Variants in CNN3 observed in about 807,000 individuals in gnomAD.
CNN3 encodes calponin 3.
A neutral mutation model predicts 39.0 loss-of-function variants in CNN3; 11 were observed. The ratio of observed to expected loss-of-function variants is 0.28; its 90% CI spans 0.18 to 0.47. CNN3 has a LOEUF of 0.47. Among genes scored for constraint, CNN3 ranks in the 20% least tolerant of loss-of-function variants. CNN3 has a pLI of 0.99. For synonymous variants in CNN3, 101 were observed against 138.3 expected (o/e 0.73, Z 1.89); for missense variants, 266 against 403.4 (o/e 0.66, Z 2.92).
At chr1:94,901,160 C>T (rs536883035) in intron 5 of CNN3, among the ~76,000 whole-genome samples, 1 of 152,010 alleles carries the variant, frequency 6.6e-6, no homozygotes. Flanking sequence ...TCAAGACCAG[C>T]CTGGCCAACA....
rs745910891 is a variant in CNN3 at position 94,924,547 on chromosome 1, TGGGAG to T, written c.57+2286_57+2290del. The T allele has an allele frequency of 3.3e-5, 5 of 152,362 alleles. 1 individual carries two copies. The allele number at this position is 152,362 out of a possible 1,614,324, so 9.4% of individuals were successfully genotyped here. A position where few individuals can be genotyped will look rare whatever the true frequency, so the allele number is the denominator to read the frequency against. On this transcript the variant is annotated intron_variant, in intron 1 of 6. Coordinates refer to ENST00000370206, the MANE Select transcript of CNN3 (RefSeq NM_001839.5). The stretch of plus-strand genomic sequence containing the variant: ...CTGAGGCAGGAGAATCACTTGAACC[TGGGAG>T]GCGAAGGTTGCAGTGAGCTGAGATC...
chr1:94,901,045 T>A (rs1045040585), intron 5 of CNN3, among the ~76,000 whole-genome samples: 1 of 152,002 alleles, frequency 6.6e-6, no homozygotes, highest in African/African-American at 2.4e-5. Context: ...CAAAGTGAGA[T>A]CCCATCTATA....
chr1:94,898,485 C>T (rs1435478151), intron 6 of CNN3, among the ~76,000 whole-genome samples: 1 of 152,182 alleles, frequency 6.6e-6, no homozygotes, highest in Non-Finnish European at 1.5e-5. Flanking sequence ...ATGGGGACCA[C>T]ATACATTATC....
chr1:94,915,139 T>G (rs1671250740), intron 1 of CNN3, among the ~76,000 whole-genome samples: 1 of 152,218 alleles, frequency 6.6e-6, no homozygotes, highest in Admixed American at 6.5e-5. Context: ...CTGTGCCTTA[T>G]GAAATACCAT....
chr1:94,903,878 C>T (rs1413587065), intron 1 of CNN3, among the ~76,000 whole-genome samples: 1 of 152,076 alleles, frequency 6.6e-6, no homozygotes, highest in Admixed American at 6.5e-5. Context: ...CATTAATCAC[C>T]CTATTCCAAA....
chr1:94,907,122 C>A (rs1024210241), intron 1 of CNN3, among the ~76,000 whole-genome samples: 3 of 152,092 alleles, frequency 2.0e-5, no homozygotes, highest in Admixed American at 1.3e-4. Flanking sequence ...TTGAGACTTA[C>A]CATATGACCA....
intron 1 of CNN3, among the ~76,000 whole-genome samples, chr1:94,907,775 G>A (rs890903514): frequency 7.2e-5 from 11 of 152,214 alleles, no homozygotes; most frequent in Non-Finnish European, 1.0e-4. Flanking sequence ...CAGGAGAATG[G>A]TGTGAACCCG....
intron 1 of CNN3, among the ~76,000 whole-genome samples, chr1:94,918,041 T>C (rs859042): frequency 0.29 from 43,851 of 152,092 alleles, 6,640 homozygotes; most frequent in Middle Eastern, 0.32. Flanking sequence ...TACACAGTCT[T>C]AGCACAGGCA....
At chr1:94,921,364 C>T (rs1671438514) in intron 1 of CNN3, among the ~76,000 whole-genome samples, 1 of 152,128 alleles carries the variant, frequency 6.6e-6, no homozygotes, top group Non-Finnish European at 1.5e-5. Flanking sequence ...GACCTCACTC[C>T]AGCCTGGGCA....
At chr1:94,907,744 C>T (rs1022119107) in intron 1 of CNN3, among the ~76,000 whole-genome samples, 1 of 152,132 alleles carries the variant, frequency 6.6e-6, no homozygotes, top group Non-Finnish European at 1.5e-5. Context: ...CCTGTAGTCC[C>T]AGCTACTTGG....
rs1671587083 is a variant in CNN3, at chr1:94,926,519, T to G, written c.57+319A>C. ...CGCCCCCTTCCCGGAGGGCGCGTTC[T>G]GCAGTCACCAAACGGCCCCCGAGAC... On this transcript the variant is annotated intron_variant, in intron 1 of 6. Coordinates refer to ENST00000370206, the MANE Select transcript of CNN3 (RefSeq NM_001839.5). This position sits in a 1 kb window ranked among gnomAD's most constrained non-coding sequence, Gnocchi z 4.2. Among the ~76,000 whole-genome samples the G allele has an allele frequency of 6.6e-6, 1 of 152,132 alleles. No homozygotes were observed. Among genetic ancestry groups the G allele is most frequent in the African/African-American group, 2.4e-5 (1 of 41,432 alleles).
At chr1:94,914,276 T>A (rs892083813) in intron 1 of CNN3, among the ~76,000 whole-genome samples, 3 of 152,188 alleles carry the variant, frequency 2.0e-5, no homozygotes, top group African/African-American at 7.2e-5. Flanking sequence ...TTTGCAACTT[T>A]TCTGTAGTTT....
At position 94,905,870 on chromosome 1, in the gene CNN3, C is replaced by T. The variant is rs536974925; in HGVS notation, c.58-2346G>A. 5.3e-5 allele frequency among the ~76,000 whole-genome samples: 8 copies of T among 152,078 alleles called. No individual in the cohort carries two copies. The South Asian group carries it at 1.2e-3, about 24-fold the overall frequency. Reference sequence around the variant, plus strand: ...GCCACCACCCCCTGCCTCCATTACTCCTATTATACCTCAGATAAATATTCT... The same window carrying T: ...GCCACCACCCCCTGCCTCCATTACTTCTATTATACCTCAGATAAATATTCT... On this transcript the variant is annotated intron_variant, in intron 1 of 6. Transcript: ENST00000370206.
chr1:94,905,238 C>T (rs1383525991), intron 1 of CNN3, among the ~76,000 whole-genome samples: 1 of 152,196 alleles, frequency 6.6e-6, no homozygotes, highest in Non-Finnish European at 1.5e-5. Flanking sequence ...TCAAAGCGTA[C>T]ACTTGATCAC....
rs1670911380 is a variant in CNN3 at position 94,903,137 on chromosome 1, T to C, written c.231A>G (p.Ser77=). ...PGSVKKVNES[S]LNWPQLENIG... ...TGGCTGTTACCTGAGGCCAGTTCAG[T>C]GAGGACTCGTTGACCTTCTTCACTG... The change falls in exon 3 of 7, where the codon TCA becomes TCG. Residue 77 remains serine (S), a synonymous_variant. Transcript: ENST00000370206. The C allele has an allele frequency of 1.2e-6, 2 of 1,610,230 alleles. No homozygotes were observed. The highest frequency in any genetic ancestry group is 1.7e-6 in the Non-Finnish European group (2 of 1,177,884).
chr1:94,906,392 T>C (rs377261070), intron 1 of CNN3, among the ~76,000 whole-genome samples: 3 of 152,036 alleles, frequency 2.0e-5, no homozygotes, highest in East Asian at 1.9e-4. Context: ...TGAAAGGGGA[T>C]AGGCAAAGAA....
intron 1 of CNN3, 151 bp from the exon 2 acceptor site, chr1:94,903,675 G>A (rs977297361): frequency 9.7e-5 from 102 of 1,048,360 alleles, no homozygotes; most frequent in Non-Finnish European, 4.1e-5. Flanking sequence ...AAACTTAACC[G>A]TTACAACTTC....
chr1:94,922,500 C>G (rs183071420), intron 1 of CNN3, among the ~76,000 whole-genome samples: 1 of 152,162 alleles, frequency 6.6e-6, no homozygotes, highest in African/African-American at 2.4e-5. Flanking sequence ...AGAGCTTTAT[C>G]TCTGGTGGGA....
chr1:94,925,019 A>G (rs1671541878), intron 1 of CNN3, among the ~76,000 whole-genome samples: 1 of 152,222 alleles, frequency 6.6e-6, no homozygotes, highest in Admixed American at 6.5e-5. Context: ...TATTTACAAT[A>G]ATTACAGTGA....
Sources: gnomAD v4.1 joint callset for allele counts (sites outside exome capture counted in the v4.1 genomes callset) on GRCh38, gnomAD v4.1.1 for gene constraint, Gnocchi (gnomAD v3.1) non-coding constraint, MANE v1.5 for transcripts, NCBI Gene and HGNC (gene_info 2026-07-23, HGNC 2026-07-21) for gene names.